The following CKAP2L variants were observed in gnomAD, a reference collection of about 807,000 sequenced individuals.
The protein encoded by CKAP2L is cytoskeleton-associated protein 2-like.
Under a neutral mutation model 65.7 loss-of-function variants are expected in CKAP2L, and 42 were observed. That is an observed-to-expected ratio of 0.64 (90% CI 0.50 to 0.83). The LOEUF (loss-of-function observed/expected upper bound fraction) is 0.83, where lower values mean the gene tolerates loss of function less well. CKAP2L is among the 40% of genes least tolerant of loss of function. The pLI, the probability that CKAP2L is intolerant of heterozygous loss-of-function variation, is 0.00. For synonymous variants in CKAP2L, 325 were observed against 313.5 expected (o/e 1.04, Z -0.39); for missense variants, 908 against 871.0 (o/e 1.04, Z -0.53).
At chr2:112,749,623 T>C (rs554400739) in intron 5 of CKAP2L, among the ~76,000 whole-genome samples, 112 of 149,970 alleles carry the variant, frequency 7.5e-4, no homozygotes, top group African/African-American at 2.2e-3. Flanking sequence ...AAAAAAAAAA[T>C]CTACACATCT....
At chr2:112,745,137 G>A (rs1033803730) in intron 6 of CKAP2L, among the ~76,000 whole-genome samples, 6 of 152,102 alleles carry the variant, frequency 3.9e-5, no homozygotes, top group Middle Eastern at 3.2e-3. Context: ...TGTTCAGTCT[G>A]GAATAAGCCA....
intron 3 of CKAP2L, among the ~76,000 whole-genome samples, chr2:112,759,928 A>G (rs1017984329): frequency 6.6e-6 from 1 of 152,070 alleles, no homozygotes; most frequent in African/African-American, 2.4e-5. Context: ...ATGCATATGC[A>G]TATGACTGAA....
At chr2:112,742,263 A>G (rs1404026673) in intron 7 of CKAP2L, 3 of 650,638 alleles carry the variant, frequency 4.6e-6, no homozygotes, top group Non-Finnish European at 8.5e-6. Context: ...AGTCTTCTAA[A>G]GGTTATGACC....
At chr2:112,741,940 GTTTTTTTTT>G (rs57634251) in intron 7 of CKAP2L, among the ~76,000 whole-genome samples, 13 of 71,908 alleles carry the variant, frequency 1.8e-4, no homozygotes, top group African/African-American at 6.1e-4. Context: ...TTTCTTTTCT[GTTTTTTTTT>G]TTTTTTTTTT....
intron 5 of CKAP2L, among the ~76,000 whole-genome samples, chr2:112,749,024 C>A (rs918757243): frequency 1.3e-5 from 2 of 152,116 alleles, no homozygotes; most frequent in Non-Finnish European, 2.9e-5. Context: ...AAAAATAATT[C>A]ATGTAAGCTG....
At chr2:112,757,285 G>A in intron 3 of CKAP2L, 71 bp from the exon 4 acceptor site, 2 of 989,484 alleles carry the variant, frequency 2.0e-6, no homozygotes, top group South Asian at 1.9e-5. Context: ...TAATAACTGT[G>A]TTTAACACAT....
chr2:112,747,525 G>A (rs1222377939), intron 5 of CKAP2L, among the ~76,000 whole-genome samples: 1 of 152,182 alleles, frequency 6.6e-6, no homozygotes, highest in Non-Finnish European at 1.5e-5. Flanking sequence ...GATTTATGCA[G>A]GTGTTTATGA....
chr2:112,756,454 T>C lies in CKAP2L; in HGVS notation c.917A>G (p.Asn306Ser), dbSNP rs759317813. 6.2e-7 allele frequency: 1 copy of C among 1,613,410 alleles called. No individual in the cohort carries two copies. The highest frequency in any genetic ancestry group is 8.5e-7 in the Non-Finnish European group (1 of 1,179,746). The part of the protein sequence containing the change: ...VVKNIKDIKV[N>S]RSQYERPNET... ...ATTTGGTCTTTCATATTGACTCCTA[T>C]TAACCTTTATATCTTTGATGTTCTT... The change falls in exon 4 of 9, where the codon AAT (asparagine) becomes AGT (serine). Residue 306 changes from asparagine to serine, a missense_variant. Coordinates refer to ENST00000302450, the MANE Select transcript of CKAP2L (RefSeq NM_152515.5).
Position 112,764,512 on chromosome 2 carries a change from C to T in CKAP2L, c.37+50G>A, listed in dbSNP as rs745685173. 5 of 1,605,592 alleles carry T rather than the reference C, an allele frequency of 3.1e-6. No individual in the cohort carries two copies. In the African/African-American group the frequency reaches 5.4e-5, roughly 17 times the overall value. Reference sequence around the variant, plus strand: ...ACTCACTCGGTGGCCTCCTACTTCCCCGGCCGTGTTCCAACGCCTGAGAAT... The same window carrying T: ...ACTCACTCGGTGGCCTCCTACTTCCTCGGCCGTGTTCCAACGCCTGAGAAT... On this transcript the variant is annotated intron_variant, in intron 1 of 8. Transcript: ENST00000302450.
At chr2:112,750,117 A>G (rs1680321681) in intron 5 of CKAP2L, among the ~76,000 whole-genome samples, 1 of 151,862 alleles carries the variant, frequency 6.6e-6, no homozygotes, top group Non-Finnish European at 1.5e-5. Context: ...TTGGAGTCCC[A>G]TTTCTACCAG....
rs774146065 is a variant in CKAP2L, at chr2:112,756,364, T to C, written c.1007A>G (p.Tyr336Cys). 1.2e-6 allele frequency: 2 copies of C among 1,613,640 alleles called. No homozygotes were observed. The highest frequency in any genetic ancestry group is 1.7e-6 in the Non-Finnish European group (2 of 1,179,830). The change falls in exon 4 of 9, where the codon TAC becomes TGC. Residue 336 changes from tyrosine to cysteine, a missense_variant. Transcript: ENST00000302450. ...QRVKHTKPRT[Y>C]PSLLQGEYNN... is the part of the protein sequence containing the mutation. ...ATATTCACCCTGAAGCAAACTGGGG[T>C]ATGTTCTGGGTTTGGTGTGCTTCAC... is the stretch of plus-strand genomic sequence containing the variant.
chr2:112,752,465 T>C lies in CKAP2L; in HGVS notation c.1404A>G (p.Leu468=), dbSNP rs780925268. 6.3e-7 allele frequency: 1 copy of C among 1,598,942 alleles called. No homozygotes were observed. The highest frequency in any genetic ancestry group is 8.5e-7 in the Non-Finnish European group (1 of 1,172,712). The change falls in exon 5 of 9, where the codon CTA becomes CTG. Residue 468 remains leucine (L), a synonymous_variant. Transcript: ENST00000302450. ...TTCCCTTAGATTTCTGCCATTCTTC[T>C]AGTTGTTTCCTGAAATTCAATTAAA... ...KATAEDRRKQ[L]EEWQKSKGKT... is the part of the protein sequence containing the mutation.
intron 3 of CKAP2L, among the ~76,000 whole-genome samples, chr2:112,759,430 C>A (rs1276682442): frequency 6.6e-6 from 1 of 152,124 alleles, no homozygotes; most frequent in Non-Finnish European, 1.5e-5. Context: ...CTTTTAGTTT[C>A]TCCTAAATTC....
chr2:112,755,166 T>G (rs568565153), intron 4 of CKAP2L, among the ~76,000 whole-genome samples: 1 of 152,342 alleles, frequency 6.6e-6, no homozygotes, highest in East Asian at 1.9e-4. Flanking sequence ...GGTATACATA[T>G]GTGCTTCTCC....
At chr2:112,760,588 C>T (rs1680687865) in intron 3 of CKAP2L, 125 bp downstream of exon 3, 1 of 548,412 alleles carries the variant, frequency 1.8e-6, no homozygotes, top group Admixed American at 3.5e-5. Context: ...TTAAACCAAA[C>T]TGTTTTTATA....
At chr2:112,759,945 C>G (rs1315260260) in intron 3 of CKAP2L, among the ~76,000 whole-genome samples, 4 of 151,224 alleles carry the variant, frequency 2.6e-5, no homozygotes, top group Non-Finnish European at 4.4e-5. Flanking sequence ...TGAAATATGA[C>G]TGAAGTGATT....
At chr2:112,763,213 C>G (rs945365332) in intron 1 of CKAP2L, among the ~76,000 whole-genome samples, 1 of 152,174 alleles carries the variant, frequency 6.6e-6, no homozygotes, top group African/African-American at 2.4e-5. Flanking sequence ...GACTTGAAAA[C>G]AGGCTTTTCT....
rs570758592 is a variant in CKAP2L, at chr2:112,756,391, C to T, written c.980G>A (p.Arg327Lys). 7 of 1,614,034 alleles carry T rather than the reference C, an allele frequency of 4.3e-6. No homozygotes were observed. Among genetic ancestry groups the T allele is most frequent in the Middle Eastern group, 1.6e-4 (1 of 6,062 alleles). The change falls in exon 4 of 9, where the codon AGA becomes AAA. Residue 327 changes from arginine to lysine, a missense_variant. Arg to Lys is a conservative substitution (Grantham distance 26). Transcript: ENST00000302450. ...TGTTCTGGGTTTGGTGTGCTTCACT[C>T]TCTGTTCAGTAACAGGGTATGACCG... ...KIRSYPVTEQ[R>K]VKHTKPRTYP...
At chr2:112,740,765 C>A in intron 8 of CKAP2L, 53 bp downstream of exon 8, 1 of 1,448,730 alleles carries the variant, frequency 6.9e-7, no homozygotes. Context: ...AAAATCGAGA[C>A]TTGGACTAGA....
Sources: allele counts gnomAD v4.1 joint callset (sites outside exome capture counted in the v4.1 genomes callset), GRCh38; gene constraint gnomAD v4.1.1; transcripts MANE v1.5; gene names NCBI Gene and HGNC (gene_info 2026-07-23, HGNC 2026-07-21).